Variants in TRIO observed in about 807,000 individuals in gnomAD.
TRIO encodes triple functional domain protein.
Under a neutral mutation model 351.9 loss-of-function variants are expected in TRIO, and 58 were observed. That is an observed-to-expected ratio of 0.16 (90% CI 0.13 to 0.21). The LOEUF is 0.21. TRIO is among the 10% of genes least tolerant of loss of function. The probability of loss-of-function intolerance (pLI) is 1.00; values close to 1 mark genes in which losing one functional copy is unlikely to be tolerated. For synonymous variants in TRIO, 1,758 were observed against 1,595.7 expected (o/e 1.10, Z -2.42); for missense variants, 3,201 against 4,027.8 (o/e 0.79, Z 5.56).
At position 14,364,772 on chromosome 5, in the gene TRIO, G is replaced by C; in HGVS notation, c.2710G>C (p.Glu904Gln). The C allele has an allele frequency of 1.2e-6, 2 of 1,612,236 alleles. No individual in the cohort carries two copies. Among genetic ancestry groups the C allele is most frequent in the Non-Finnish European group, 1.7e-6 (2 of 1,179,966 alleles). The change falls in exon 15 of 57, where the codon GAG becomes CAG. Residue 904 changes from glutamate to glutamine, a missense_variant. This residue lies in a region of TRIO where 363 missense variants were observed against 553.5 expected (regional missense o/e 0.66). Coordinates refer to ENST00000344204, the MANE Select transcript of TRIO (RefSeq NM_007118.4). ...CGCAGAGCAGCATCGGAAACACCTG[G>C]AGCAGTGCGTGCAGCTGCGCCACCT... ...LAAEQHRKHLEQCVQLRHLQA... is the reference protein window; with the variant it reads ...LAAEQHRKHLQQCVQLRHLQA...
rs373040995 is a variant in TRIO, at chr5:14,479,323, C to T, written c.6216C>T (p.Val2072=). The T allele has an allele frequency of 6.2e-7, 1 of 1,613,684 alleles. No homozygotes were observed. The highest frequency in any genetic ancestry group is 1.7e-5 in the Admixed American group (1 of 59,962). The part of the protein sequence containing the change: ...CQNKPKSEHI[V]SEYIDTFFED... ...ATAAACCAAAGTCTGAGCACATTGT[C>T]TCAGAATACATTGATACCTTTTTTG... The change falls in exon 42 of 57, where the codon GTC becomes GTT. Residue 2072 remains valine, a synonymous_variant. Coordinates refer to ENST00000344204, the MANE Select transcript of TRIO (RefSeq NM_007118.4).
intron 48 of TRIO, chr5:14,488,904 G>A (rs772524853): frequency 2.0e-5 from 15 of 755,520 alleles, no homozygotes; most frequent in South Asian, 1.4e-4. Context: ...CGGTCCCTGC[G>A]GCCTGCTGGG....
rs551918217 is a variant in TRIO at position 14,487,912 on chromosome 5, G to C, written c.7284G>C (p.Ser2428=). ...PRKGAANASG[S]SPDAPAKDAR... The stretch of plus-strand genomic sequence containing the variant: ...AAGGCGCCGCGAACGCCTCGGGGTC[G>C]AGCCCAGACGCCCCCGCCAAGGACG... Residue 2428 remains serine (S), a synonymous_variant, in exon 48 of 57, where the codon TCG becomes TCC. Transcript: ENST00000344204. 1 of 1,538,806 alleles carries C rather than the reference G, an allele frequency of 6.5e-7. No individual in the cohort carries two copies. Among genetic ancestry groups the C allele is most frequent in the African/African-American group, 1.4e-5 (1 of 72,164 alleles).
At chr5:14,507,406 C>T in intron 56 of TRIO, 146 bp downstream of exon 56, 3 of 1,047,840 alleles carry the variant, frequency 2.9e-6, no homozygotes, top group Non-Finnish European at 3.9e-6. Context: ...ACACTGATTG[C>T]TAATCTCTCT....
chr5:14,397,658 TAAGAA>T (rs142124838), intron 29 of TRIO, among the ~76,000 whole-genome samples: 10,435 of 152,288 alleles, frequency 0.069, 465 homozygotes, highest in Non-Finnish European at 0.1. Flanking sequence ...TGCCTCTGTT[TAAGAA>T]AGCTCTTCCT....
At chr5:14,345,894 T>A (rs1742370576) in intron 11 of TRIO, among the ~76,000 whole-genome samples, 1 of 152,244 alleles carries the variant, frequency 6.6e-6, no homozygotes, top group African/African-American at 2.4e-5. Flanking sequence ...CTCTATTTCT[T>A]ATTTTGTTAC....
intron 44 of TRIO, 78 bp downstream of exon 44, chr5:14,481,362 G>A: frequency 6.3e-7 from 1 of 1,583,046 alleles, no homozygotes; most frequent in Non-Finnish European, 8.6e-7. Flanking sequence ...CCTAACAGTG[G>A]TCTGGCCCTG....
In TRIO at chr5:14,316,672, A is replaced by G. The variant is rs1440927699; in HGVS notation, c.1660A>G (p.Ile554Val). The G allele has an allele frequency of 6.2e-7, 1 of 1,614,198 alleles. No individual in the cohort carries two copies. The highest frequency in any genetic ancestry group is 1.7e-5 in the Admixed American group (1 of 60,032). ...VLHHQRQLEN[I>V]WQHRKVRLHQ... ...GCACCACCAGCGGCAGCTGGAGAAC[A>G]TCTGGCAACACCGCAAGGTCCGGCT... The change falls in exon 9 of 57, where the codon ATC becomes GTC. Residue 554 changes from isoleucine (I) to valine (V), a missense_variant. Around this residue, in one of 19 missense-constraint regions of TRIO, gnomAD observed 349 missense variants for 449.3 expected, o/e 0.78. Coordinates refer to ENST00000344204, the MANE Select transcript of TRIO (RefSeq NM_007118.4).
At chr5:14,240,489 C>A (rs1449885689) in intron 1 of TRIO, among the ~76,000 whole-genome samples, 2 of 152,132 alleles carry the variant, frequency 1.3e-5, no homozygotes, top group Non-Finnish European at 2.9e-5. Context: ...GATTTTCATT[C>A]TTCTCCTCTT....
At chr5:14,278,674 C>T (rs1735743564) in intron 2 of TRIO, among the ~76,000 whole-genome samples, 1 of 152,134 alleles carries the variant, frequency 6.6e-6, no homozygotes, top group Non-Finnish European at 1.5e-5. Flanking sequence ...GTTAATCTGT[C>T]TTATCTTGGG....
intron 1 of TRIO, chr5:14,183,882 G>T (rs1789943775): frequency 2.9e-6 from 2 of 688,264 alleles, no homozygotes; most frequent in Non-Finnish European, 5.3e-6. Context: ...GATAGTGACT[G>T]TTTTACTTCG....
chr5:14,185,888 A>G (rs1267113646), intron 1 of TRIO, among the ~76,000 whole-genome samples: 2 of 152,144 alleles, frequency 1.3e-5, no homozygotes, highest in Non-Finnish European at 2.9e-5. Context: ...TTCATCTTCC[A>G]ATTGGAGAAG....
intron 29 of TRIO, 86 bp from the exon 30 acceptor site, chr5:14,398,794 T>A (rs1579536975): frequency 4.3e-6 from 3 of 702,818 alleles, no homozygotes; most frequent in Non-Finnish European, 5.8e-6. Flanking sequence ...ATTTTTAAAA[T>A]TGTTGAAAAT....
At chr5:14,166,742 G>A (rs1278770793) in intron 1 of TRIO, among the ~76,000 whole-genome samples, 1 of 152,182 alleles carries the variant, frequency 6.6e-6, no homozygotes, top group African/African-American at 2.4e-5. Context: ...CAGCAAAACT[G>A]GGCCAGAGGC....
Position 14,286,835 on chromosome 5 carries a change from G to A in TRIO, c.348-36G>A, listed in dbSNP as rs368956374. 6.9e-6 allele frequency: 11 copies of A among 1,592,960 alleles called. No individual in the cohort carries two copies. In the African/African-American group the frequency reaches 1.1e-4, roughly 16 times the overall value. ...CTGACCAGGCAGAGTGGCAAGAGAT[G>A]TAACCCGTCTTCAGCCATGTTTTCT... On this transcript the variant is annotated intron_variant, in intron 3 of 56. Transcript: ENST00000344204. This position sits in a 1 kb window ranked among gnomAD's most constrained non-coding sequence, Gnocchi z 4.4.
At chr5:14,228,225 C>T (rs993177797) in intron 1 of TRIO, among the ~76,000 whole-genome samples, 1 of 152,198 alleles carries the variant, frequency 6.6e-6, no homozygotes, top group Non-Finnish European at 1.5e-5. Context: ...TGCAGTGTTC[C>T]ACACCTGGAG....
chr5:14,309,824 G>A (rs1344030236), intron 8 of TRIO, among the ~76,000 whole-genome samples: 1 of 151,974 alleles, frequency 6.6e-6, no homozygotes, highest in African/African-American at 2.4e-5. Flanking sequence ...CCTTTTCCTT[G>A]CCTCTCTCTT....
chr5:14,159,470 T>G (rs1255248255), intron 1 of TRIO, among the ~76,000 whole-genome samples: 1 of 152,140 alleles, frequency 6.6e-6, no homozygotes, highest in African/African-American at 2.4e-5. Flanking sequence ...TCTGGGAAAG[T>G]TGAAGGGAGA....
intron 1 of TRIO, among the ~76,000 whole-genome samples, chr5:14,203,068 C>T (rs568595802): frequency 1.3e-5 from 2 of 152,076 alleles, no homozygotes; most frequent in East Asian, 1.9e-4. Context: ...TAATTAGATA[C>T]CTGATACCTC....
Sources: gnomAD v4.1 joint callset for allele counts (sites outside exome capture counted in the v4.1 genomes callset) on GRCh38, gnomAD v4.1.1 for gene constraint, gnomAD v4.1.1 regional missense constraint, Gnocchi (gnomAD v3.1) non-coding constraint, MANE v1.5 for transcripts, NCBI Gene and HGNC (gene_info 2026-07-23, HGNC 2026-07-21) for gene names.